TFDP2: variants seen among roughly 807,000 people sequenced by gnomAD.
TFDP2 encodes the protein transcription factor Dp-2 (E2F dimerization partner 2).
Under a neutral mutation model 59.3 loss-of-function variants are expected in TFDP2, and 17 were observed. The ratio of observed to expected loss-of-function variants is 0.29; its 90% confidence interval spans 0.20 to 0.43. TFDP2 has a LOEUF of 0.43. Ranked by LOEUF, TFDP2 falls within the 20% of genes least tolerant of loss-of-function variation. TFDP2 has a pLI of 1.00. For missense variants in TFDP2, 391 were observed against 528.8 expected (o/e 0.74, Z 2.56); for synonymous variants, 180 against 194.7 (o/e 0.92, Z 0.63).
chr3:142,075,420 C>T (rs2060408674), intron 3 of TFDP2, among the ~76,000 whole-genome samples: 1 of 152,132 alleles, frequency 6.6e-6, no homozygotes, highest in African/African-American at 2.4e-5. Flanking sequence ...CAATCTCTGC[C>T]ATCAAATTCT....
chr3:142,058,229 T>A (rs1464728453), intron 3 of TFDP2, among the ~76,000 whole-genome samples: 10 of 151,428 alleles, frequency 6.6e-5, no homozygotes, highest in Non-Finnish European at 1.5e-5. Flanking sequence ...AAGCCAGTGA[T>A]CATACACATA....
intron 4 of TFDP2, among the ~76,000 whole-genome samples, chr3:141,995,860 G>C (rs1420647977): frequency 8.9e-6 from 1 of 111,976 alleles, no homozygotes; most frequent in Non-Finnish European, 1.8e-5. Context: ...TCCAGCCTGG[G>C]CAAAAAGAGC....
At chr3:141,973,119 A>ATTT (rs1478835597) in intron 8 of TFDP2, among the ~76,000 whole-genome samples, 1 of 74,864 alleles carries the variant, frequency 1.3e-5, no homozygotes, top group Non-Finnish European at 2.9e-5. Flanking sequence ...ATATATATAT[A>ATTT]TATATTTTTT....
At chr3:142,125,665 T>A (rs530947977) in intron 1 of TFDP2, among the ~76,000 whole-genome samples, 117 of 152,330 alleles carry the variant, frequency 7.7e-4, no homozygotes, top group African/African-American at 2.7e-3. Context: ...TGACCTCCAG[T>A]ATAAACTGTT....
chr3:142,125,311 G>A (rs1235665556), intron 1 of TFDP2, among the ~76,000 whole-genome samples: 5 of 152,144 alleles, frequency 3.3e-5, no homozygotes, highest in South Asian at 2.1e-4. Context: ...AAGATGAAAA[G>A]ACTGATACCA....
At position 141,978,592 on chromosome 3, in the gene TFDP2, T is replaced by C. The variant is rs774142607; in HGVS notation, c.447A>G (p.Thr149=). The change falls in exon 7 of 13, where the codon ACA becomes ACG. Residue 149 remains threonine, a synonymous_variant. Coordinates refer to ENST00000489671, the MANE Select transcript of TFDP2 (RefSeq NM_001178139.2). ...GCTCATCAGCGACTTCATTGTACGA[T>C]GTTGTACCTTTTCGTTGAACTTTCT... ...VCEKVQRKGT[T]SYNEVADELV... 5.0e-6 allele frequency: 8 copies of C among 1,613,958 alleles called. No homozygotes were observed. Among genetic ancestry groups the C allele is most frequent in the Non-Finnish European group, 6.8e-6 (8 of 1,179,980 alleles).
intron 1 of TFDP2, among the ~76,000 whole-genome samples, chr3:142,148,498 C>T (rs1268822614): frequency 6.6e-6 from 1 of 152,154 alleles, no homozygotes; most frequent in Non-Finnish European, 1.5e-5. Flanking sequence ...ATTCACTCCC[C>T]GAAACACACC....
chr3:142,005,854 A>G (rs1375750095), intron 3 of TFDP2, among the ~76,000 whole-genome samples: 2 of 152,228 alleles, frequency 1.3e-5, no homozygotes, highest in Non-Finnish European at 2.9e-5. Context: ...AAAAATTTTT[A>G]GAGAATATGT....
intron 1 of TFDP2, among the ~76,000 whole-genome samples, chr3:142,114,648 G>GTT (rs572999087): frequency 6.7e-6 from 1 of 148,924 alleles, no homozygotes; most frequent in Non-Finnish European, 1.5e-5. Flanking sequence ...CAGGATACAG[G>GTT]TTTTTTTTTT....
chr3:142,128,578 C>T (rs1203858028), intron 1 of TFDP2, among the ~76,000 whole-genome samples: 2 of 151,644 alleles, frequency 1.3e-5, no homozygotes, highest in Admixed American at 6.6e-5. Context: ...TACTAAACAA[C>T]TGAGGAAAAT....
chr3:141,953,803 C>A (rs1454942960), intron 11 of TFDP2, among the ~76,000 whole-genome samples: 1 of 127,148 alleles, frequency 7.9e-6, no homozygotes, highest in African/African-American at 3.0e-5. Flanking sequence ...CCACAACTAG[C>A]TCTTATTTTA....
At chr3:142,028,840 T>C in intron 3 of TFDP2, 1 of 337,136 alleles carries the variant, frequency 3.0e-6, no homozygotes, top group East Asian at 1.7e-4. Flanking sequence ...GAAGGGGCTT[T>C]TCTATGTAGA....
At chr3:142,126,288 C>T (rs2062248096) in intron 1 of TFDP2, 1 of 151,278 alleles carries the variant, frequency 6.6e-6, no homozygotes, top group East Asian at 1.9e-4. Context: ...AAGCGATTCT[C>T]CTGCCTCAGC....
In TFDP2 at chr3:141,944,876, T is replaced by G; in HGVS notation, c.*7637A>C. The G allele has an allele frequency of 6.6e-6, 1 of 152,214 alleles. No individual in the cohort carries two copies. Among genetic ancestry groups the G allele is most frequent in the East Asian group, 1.9e-4 (1 of 5,206 alleles). The allele number at this position is 152,214 out of a possible 1,614,324, so 9.4% of individuals were successfully genotyped here. On this transcript the variant is annotated 3_prime_UTR_variant, in exon 13 of 13. Coordinates refer to ENST00000489671, the MANE Select transcript of TFDP2 (RefSeq NM_001178139.2). ...CAAAGTCTGAGATACTACAAAATAA[T>G]ATATCATATTAGGTTGTGTACTTCA...
At chr3:142,045,410 T>G (rs1158034856) in intron 3 of TFDP2, among the ~76,000 whole-genome samples, 4 of 152,176 alleles carry the variant, frequency 2.6e-5, no homozygotes, top group Admixed American at 6.5e-5. Context: ...TCCGCCCACC[T>G]TGGCCTCCCA....
intron 9 of TFDP2, 136 bp from the exon 10 acceptor site, chr3:141,964,099 T>C: frequency 1.4e-6 from 1 of 718,694 alleles, no homozygotes; most frequent in South Asian, 2.4e-5. Flanking sequence ...ATGAATTAAT[T>C]TAAAAAATTA....
At chr3:141,994,477 T>C (rs1408463785) in intron 5 of TFDP2, 1 of 152,170 alleles carries the variant, frequency 6.6e-6, no homozygotes, top group Non-Finnish European at 1.5e-5. Flanking sequence ...AAGGTATAAG[T>C]ATTTTACATG....
chr3:142,063,552 T>C (rs538666104), intron 3 of TFDP2, among the ~76,000 whole-genome samples: 3 of 152,356 alleles, frequency 2.0e-5, no homozygotes, highest in South Asian at 2.1e-4. Flanking sequence ...CATTAATCAA[T>C]TGTTGAAAGT....
chr3:142,014,161 T>G (rs925372900), intron 3 of TFDP2, among the ~76,000 whole-genome samples: 4 of 152,190 alleles, frequency 2.6e-5, no homozygotes, highest in African/African-American at 9.6e-5. Context: ...TTGTTTGTTT[T>G]GAGACAGGAT....
Sources: gnomAD v4.1 joint callset for allele counts (sites outside exome capture counted in the v4.1 genomes callset) on GRCh38, gnomAD v4.1.1 for gene constraint, MANE v1.5 for transcripts, NCBI Gene and HGNC (gene_info 2026-07-23, HGNC 2026-07-21) for gene names.